Variants in SEPTIN10 observed in about 807,000 individuals in gnomAD.
The protein encoded by SEPTIN10 is septin 10.
Under a neutral mutation model 54.8 loss-of-function variants are expected in SEPTIN10, and 66 were observed. That is an observed-to-expected ratio of 1.21 (90% CI 0.99 to 1.48). SEPTIN10 has a LOEUF of 1.48. SEPTIN10 is among the 40% of genes most tolerant of loss of function. The pLI, the probability that SEPTIN10 is intolerant of heterozygous loss-of-function variation, is 0.00. For synonymous variants in SEPTIN10, 161 were observed against 181.0 expected, an observed-to-expected ratio of 0.89 and a Z score of 0.89; for missense variants, 620 against 545.6, an observed-to-expected ratio of 1.14 and a Z score of -1.36.
At chr2:109,582,319 G>GT (rs1282555013) in intron 4 of SEPTIN10, among the ~76,000 whole-genome samples, 3 of 151,918 alleles carry the variant, frequency 2.0e-5, no homozygotes, top group Non-Finnish European at 4.4e-5. Context: ...CGCTATTGCT[G>GT]TTTTTTTGTT....
intron 8 of SEPTIN10, among the ~76,000 whole-genome samples, chr2:109,554,193 G>A (rs1683799643): frequency 6.6e-6 from 1 of 152,066 alleles, no homozygotes; most frequent in Non-Finnish European, 1.5e-5. Context: ...AGTCATTATG[G>A]TGGAGGTGAA....
Position 109,546,122 on chromosome 2 carries a change from G to A in SEPTIN10, c.1277C>T (p.Thr426Ile). The A allele has an allele frequency of 2.5e-6, 4 of 1,611,354 alleles. No homozygotes were observed. The East Asian group carries it at 9.0e-5, about 36-fold the overall frequency. Residue 426 changes from threonine to isoleucine, a missense_variant, in exon 10 of 11, where the codon ACC (threonine) becomes ATC (isoleucine). By Grantham distance (89) the Thr-to-Ile change is moderately conservative (BLOSUM62 -1). Coordinates refer to ENST00000397712, the MANE Select transcript of SEPTIN10 (RefSeq NM_144710.5). ...EIIAFSKKKA[T>I]SEIFHSQSFL... ...GGACTGGCTGTGAAATATCTCGGAGGTAGCTTTCTTTTTAGAGAAAGCAAT... is the reference window on the plus strand; with the variant it reads ...GGACTGGCTGTGAAATATCTCGGAGATAGCTTTCTTTTTAGAGAAAGCAAT...
intron 8 of SEPTIN10, among the ~76,000 whole-genome samples, chr2:109,554,774 T>A (rs896434275): frequency 6.6e-6 from 1 of 152,166 alleles, no homozygotes; most frequent in Non-Finnish European, 1.5e-5. Context: ...GTACCAATAT[T>A]TTTTTACACA....
intron 2 of SEPTIN10, among the ~76,000 whole-genome samples, chr2:109,586,436 T>C (rs997481395): frequency 1.3e-5 from 2 of 152,240 alleles, no homozygotes; most frequent in African/African-American, 2.4e-5. Flanking sequence ...CTAGTCATTA[T>C]GGCAAAAGGA....
chr2:109,564,847 ATT>A lies in SEPTIN10; in HGVS notation c.860-315_860-314del, dbSNP rs1468532780. ...AGTGTTCTAGTTATTTCACACTAAT[ATT>A]TTGTTAGCAGTTTACAAACTATCCT... On this transcript the variant is annotated intron_variant, in intron 7 of 10. Coordinates refer to ENST00000397712, the MANE Select transcript of SEPTIN10 (RefSeq NM_144710.5). Among the ~76,000 whole-genome samples, 4 of 152,358 alleles carry A rather than the reference ATT, an allele frequency of 2.6e-5. No homozygotes were observed. The East Asian group carries it at 7.7e-4, about 29-fold the overall frequency.
At chr2:109,545,433 GC>G in intron 10 of SEPTIN10, 1 of 1,535,908 alleles carries the variant, frequency 6.5e-7, no homozygotes, top group Non-Finnish European at 8.7e-7. Flanking sequence ...ACTCATGGCT[GC>G]CCCCTTGCAC....
intron 1 of SEPTIN10, among the ~76,000 whole-genome samples, chr2:109,602,582 G>A (rs759917772): frequency 7.9e-5 from 12 of 151,866 alleles, no homozygotes; most frequent in South Asian, 2.1e-4. Flanking sequence ...GGGTGAGGCA[G>A]GAGAATCGCT....
rs796810746 is a variant in SEPTIN10 at position 109,553,655 on chromosome 2, C to T, written c.1029-436G>A. Among the ~76,000 whole-genome samples the T allele has an allele frequency of 4.6e-5, 7 of 151,916 alleles. 1 individual carries two copies. Among genetic ancestry groups the T allele is most frequent in the African/African-American group, 1.7e-4 (7 of 41,426 alleles). On this transcript the variant is annotated intron_variant, in intron 8 of 10. Transcript: ENST00000397712. ...ATCACCTGAGGTCAGGAGTTCAAGA[C>T]CAGCCTGGCCAACATGGTGAAACCC...
Position 109,543,551 on chromosome 2 carries a change from C to T in SEPTIN10, c.*758G>A. ...CTATTAAGAGGTTAGAGTTTTAGCT[C>T]CATAATACATCCCAAAACATATTCC... On this transcript the variant is annotated 3_prime_UTR_variant, in exon 11 of 11. Transcript: ENST00000397712. 1 of 152,044 alleles carries T rather than the reference C, an allele frequency of 6.6e-6. No homozygotes were observed. Among genetic ancestry groups the T allele is most frequent in the African/African-American group, 2.4e-5 (1 of 41,402 alleles). The allele number at this position is 152,044 out of a possible 1,614,324, so 9.4% of individuals were successfully genotyped here.
intron 9 of SEPTIN10, among the ~76,000 whole-genome samples, chr2:109,550,673 G>C (rs562760828): frequency 6.6e-6 from 1 of 152,194 alleles, no homozygotes; most frequent in Non-Finnish European, 1.5e-5. Flanking sequence ...TGAGCTAGCA[G>C]ATGACTTCCA....
chr2:109,544,857 A>G (rs1001816647), intron 10 of SEPTIN10: 4 of 808,346 alleles, frequency 4.9e-6, no homozygotes, highest in South Asian at 1.1e-4. Flanking sequence ...ATCAATGAAC[A>G]AGATAAAGAT....
chr2:109,564,343 G>C (rs1686406617), intron 8 of SEPTIN10, 23 bp downstream of exon 8: 1 of 1,496,784 alleles, frequency 6.7e-7, no homozygotes, highest in Non-Finnish European at 9.0e-7. Flanking sequence ...TCTTTGGTTG[G>C]CTTCCCAAGA....
chr2:109,569,485 T>G (rs1573547619), intron 5 of SEPTIN10, among the ~76,000 whole-genome samples: 1 of 151,996 alleles, frequency 6.6e-6, no homozygotes, highest in Admixed American at 6.6e-5. Flanking sequence ...ATTCTAAATT[T>G]TTTTATCTTC....
chr2:109,545,537 G>A, intron 10 of SEPTIN10: 1 of 1,535,652 alleles, frequency 6.5e-7, no homozygotes, highest in Non-Finnish European at 8.7e-7. Flanking sequence ...TCGACAGCCT[G>A]GTTCCCTTAT....
rs1213397036 is a variant in SEPTIN10 at position 109,581,818 on chromosome 2, T to C, written c.413+3308A>G. On this transcript the variant is annotated intron_variant, in intron 4 of 10. Transcript: ENST00000397712. ...TATTTCACACAGTACTTGAAAGTCC[T>C]GGCCAGAGAAGTCAGGCAAGAGACA... Among the ~76,000 whole-genome samples the C allele has an allele frequency of 4.6e-5, 7 of 152,194 alleles. No individual in the cohort carries two copies. In the East Asian group the frequency reaches 1.3e-3, roughly 29 times the overall value.
rs114657950 is a variant in SEPTIN10, at chr2:109,571,290, T to C, written c.600+3291A>G. ...TTATAGCAATGCGAGAACGGACTAA[T>C]AAACATGGTGATAGAAATGCGATAG... On this transcript the variant is annotated intron_variant, in intron 5 of 10. Coordinates refer to ENST00000397712, the MANE Select transcript of SEPTIN10 (RefSeq NM_144710.5). 6.0e-3 allele frequency among the ~76,000 whole-genome samples: 907 copies of C among 152,314 alleles called. 9 individuals are homozygous for C. The highest frequency in any genetic ancestry group is 0.021 in the African/African-American group (876 of 41,568).
intron 8 of SEPTIN10, among the ~76,000 whole-genome samples, chr2:109,556,853 AGTTCAT>A (rs1305837261): frequency 6.6e-6 from 1 of 152,208 alleles, no homozygotes; most frequent in African/African-American, 2.4e-5. Context: ...AAAAATGATG[AGTTCAT>A]GTCCTTTGTA....
intron 5 of SEPTIN10, among the ~76,000 whole-genome samples, chr2:109,568,615 T>C (rs905024301): frequency 3.9e-5 from 6 of 152,206 alleles, no homozygotes; most frequent in Non-Finnish European, 8.8e-5. Context: ...TCTCAAAATC[T>C]TGCAATTTCA....
At chr2:109,572,609 CTTTT>C (rs60520770) in intron 5 of SEPTIN10, among the ~76,000 whole-genome samples, 12 of 111,194 alleles carry the variant, frequency 1.1e-4, no homozygotes, top group Non-Finnish European at 1.7e-4. Context: ...TTTAAAACAA[CTTTT>C]TTTTTTTTTT....
Sources: gnomAD v4.1 joint callset for allele counts (sites outside exome capture counted in the v4.1 genomes callset) on GRCh38, gnomAD v4.1.1 for gene constraint, MANE v1.5 for transcripts, NCBI Gene and HGNC (gene_info 2026-07-23, HGNC 2026-07-21) for gene names.